The following ASB15 variants were observed in gnomAD, a reference collection of about 807,000 sequenced individuals.
ASB15 encodes the protein ankyrin repeat and SOCS box protein 15.
In ASB15, 54 loss-of-function variants were observed where a neutral mutation model predicts 58.0. The ratio of observed to expected loss-of-function variants is 0.93; its 90% CI spans 0.75 to 1.17. The LOEUF is 1.17. Among genes scored for constraint, ASB15 ranks in the 50% most tolerant of loss-of-function variants. The probability of loss-of-function intolerance (pLI) is 0.00; values close to 1 mark genes in which losing one functional copy is unlikely to be tolerated. For missense variants in ASB15, 680 were observed against 707.4 expected (o/e 0.96, Z 0.44); for synonymous variants, 249 against 262.4 (o/e 0.95, Z 0.50).
chr7:123,629,169 A>C lies in ASB15; in HGVS notation c.1175A>C (p.Asn392Thr). ...NCLLVAVRAN[N>T]YEIVRLLLSH... ...CTACTTGTTGCAGTGAGGGCCAATA[A>C]TTATGAAATTGTCAGGCTGCTTCTC... is the stretch of plus-strand genomic sequence containing the variant. Residue 392 changes from asparagine to threonine, a missense_variant, in exon 10 of 12, where the codon AAT (asparagine) becomes ACT (threonine). Transcript: ENST00000451215. The C allele has an allele frequency of 6.2e-7, 1 of 1,614,108 alleles. No homozygotes were observed. The highest frequency in any genetic ancestry group is 8.5e-7 in the Non-Finnish European group (1 of 1,179,980).
intron 1 of ASB15, among the ~76,000 whole-genome samples, chr7:123,596,077 T>C (rs1465255600): frequency 6.6e-6 from 1 of 152,192 alleles, no homozygotes; most frequent in Non-Finnish European, 1.5e-5. Flanking sequence ...TCAGTACTTA[T>C]ACTGTTCTAC....
chr7:123,630,049 T>C lies in ASB15; in HGVS notation c.1524T>C (p.Val508=), dbSNP rs1802040774. ...TACTAATAGATTACATGGATTATGT[T>C]CCTCTGTGTGCTAAACTGAAGTCTG... ...TRVLIDYMDY[V]PLCAKLKSAL... is the part of the protein sequence containing the mutation. The change falls in exon 11 of 12, where the codon GTT becomes GTC. Residue 508 remains valine, a synonymous_variant. Transcript: ENST00000451215. 6.2e-7 allele frequency: 1 copy of C among 1,608,856 alleles called. No individual in the cohort carries two copies. The highest frequency in any genetic ancestry group is 8.5e-7 in the Non-Finnish European group (1 of 1,175,892).
intron 7 of ASB15, chr7:123,621,570 T>C (rs1007914519): frequency 6.6e-6 from 1 of 152,342 alleles, no homozygotes; most frequent in Admixed American, 6.5e-5. Context: ...GTATTTCTTC[T>C]TTTTGTCTGT....
intron 11 of ASB15, among the ~76,000 whole-genome samples, chr7:123,632,932 A>C (rs1420787720): frequency 6.6e-6 from 1 of 152,264 alleles, no homozygotes; most frequent in Non-Finnish European, 1.5e-5. Flanking sequence ...ACAATACTTT[A>C]TGCCAAAAGA....
upstream of ASB15, among the ~76,000 whole-genome samples, chr7:123,600,075 C>T (rs932250591): frequency 2.6e-5 from 4 of 152,128 alleles, no homozygotes; most frequent in African/African-American, 9.7e-5. Context: ...GCATAGATGA[C>T]TAACTACTTG....
In ASB15 at chr7:123,624,708, G is replaced by A. The variant is rs868581176; in HGVS notation, c.591G>A (p.Leu197=). 6 of 1,614,106 alleles carry A rather than the reference G, an allele frequency of 3.7e-6. No individual in the cohort carries two copies. In the Admixed American group the frequency reaches 1.0e-4, roughly 27 times the overall value. The change falls in exon 8 of 12, where the codon CTG becomes CTA. Residue 197 remains leucine (L), a synonymous_variant. Coordinates refer to ENST00000451215, the MANE Select transcript of ASB15 (RefSeq NM_001290258.2). ...GAAAAGATATCGTAGCTCTGCTGCT[G>A]AAACATGGAGGCAATGTCCACCTGA... ...QGRKDIVALL[L]KHGGNVHLRD...
intron 8 of ASB15, among the ~76,000 whole-genome samples, chr7:123,626,555 G>C (rs567623432): frequency 5.3e-5 from 8 of 152,160 alleles, no homozygotes; most frequent in Non-Finnish European, 1.2e-4. Context: ...AGAAGAATTT[G>C]CCTGTCATGA....
At chr7:123,567,076 G>A (rs2116247855) in exon 1 of ASB15, 1 of 152,328 alleles carries the variant, frequency 6.6e-6, no homozygotes, top group East Asian at 1.9e-4. Flanking sequence ...AGAGCTATTT[G>A]ATCCTGACTA....
intron 1 of ASB15, among the ~76,000 whole-genome samples, chr7:123,603,036 T>C (rs886081034): frequency 2.6e-4 from 39 of 152,256 alleles, no homozygotes; most frequent in African/African-American, 9.1e-4. Flanking sequence ...GTAATCCCTA[T>C]CACAGGTAAA....
chr7:123,596,158 CCT>C (rs989807388), intron 1 of ASB15, among the ~76,000 whole-genome samples: 4 of 143,574 alleles, frequency 2.8e-5, no homozygotes, highest in African/African-American at 1.0e-4. Flanking sequence ...ACTAAATTTA[CCT>C]CTTATATTGG....
At chr7:123,636,447 A>C (rs1802431150) in intron 11 of ASB15, among the ~76,000 whole-genome samples, 1 of 152,204 alleles carries the variant, frequency 6.6e-6, no homozygotes, top group South Asian at 2.1e-4. Context: ...AAAGAAAGTA[A>C]AGAAATATAT....
upstream of ASB15, among the ~76,000 whole-genome samples, chr7:123,597,930 G>A (rs11982999): frequency 7.7e-4 from 64 of 83,148 alleles, no homozygotes; most frequent in African/African-American, 2.1e-3. Context: ...GTGTGTGTGT[G>A]TGTGTGTGTG....
chr7:123,614,506 G>A lies in ASB15; in HGVS notation c.4G>A (p.Asp2Asn). 6.3e-7 allele frequency: 1 copy of A among 1,581,004 alleles called. No individual in the cohort carries two copies. Residue 2 changes from aspartate (D) to asparagine (N), a missense_variant, in exon 4 of 12, where the codon GAT (aspartate) becomes AAT (asparagine). Transcript: ENST00000451215. M[D>N]TNDDPDEDHL... ...TCGTTCAAAATTATATGCAGGAATGGATACTAATGATGACCCTGATGAAGA... is the reference window on the plus strand; with the variant it reads ...TCGTTCAAAATTATATGCAGGAATGAATACTAATGATGACCCTGATGAAGA...
At chr7:123,624,314 G>A (rs1424457117) in intron 7 of ASB15, among the ~76,000 whole-genome samples, 4 of 152,126 alleles carry the variant, frequency 2.6e-5, no homozygotes, top group Non-Finnish European at 5.9e-5. Context: ...CTAGTGATAC[G>A]TGTTATTTTC....
At chr7:123,578,602 C>A (rs1030894672) in intron 1 of ASB15, among the ~76,000 whole-genome samples, 1 of 152,110 alleles carries the variant, frequency 6.6e-6, no homozygotes, top group Non-Finnish European at 1.5e-5. Flanking sequence ...ATTATGGAGA[C>A]CTTTGCCAAT....
chr7:123,581,357 T>C (rs1562910185), intron 1 of ASB15, among the ~76,000 whole-genome samples: 2 of 150,612 alleles, frequency 1.3e-5, no homozygotes, highest in Non-Finnish European at 1.5e-5. Context: ...TTTGCCCTTC[T>C]TGGGCATTGT....
At chr7:123,610,615 G>C (rs929024946) in intron 3 of ASB15, among the ~76,000 whole-genome samples, 1 of 152,114 alleles carries the variant, frequency 6.6e-6, no homozygotes, top group Non-Finnish European at 1.5e-5. Flanking sequence ...CCCTAAAATC[G>C]CATGCAAAAT....
intron 1 of ASB15, among the ~76,000 whole-genome samples, chr7:123,585,329 G>A (rs1345251946): frequency 6.6e-6 from 1 of 151,512 alleles, no homozygotes; most frequent in East Asian, 1.9e-4. Flanking sequence ...CCAAGCAGAA[G>A]AGACAACTTC....
At chr7:123,570,340 A>G (rs1444229524) in intron 1 of ASB15, among the ~76,000 whole-genome samples, 2 of 151,956 alleles carry the variant, frequency 1.3e-5, no homozygotes, top group East Asian at 1.9e-4. Flanking sequence ...CCAGCCTGCC[A>G]TAGCTCTTAT....
Sources: gnomAD v4.1 joint callset for allele counts (sites outside exome capture counted in the v4.1 genomes callset) on GRCh38, gnomAD v4.1.1 for gene constraint, MANE v1.5 for transcripts, NCBI Gene and HGNC (gene_info 2026-07-23, HGNC 2026-07-21) for gene names.